Variants in CELF2 observed in about 807,000 individuals in gnomAD.
The protein encoded by CELF2 is CUGBP Elav-like family member 2, also known as CUG triplet repeat RNA-binding protein 2.
A neutral mutation model predicts 62.6 loss-of-function variants in CELF2; 8 were observed. The observed-to-expected ratio is 0.13, with a 90% CI of 0.07 to 0.23. CELF2 has a LOEUF of 0.23. Ranked by LOEUF, CELF2 falls within the 10% of genes least tolerant of loss-of-function variation. The pLI, the probability that CELF2 is intolerant of heterozygous loss-of-function variation, is 1.00. For missense variants in CELF2, 333 were observed against 671.0 expected, an observed-to-expected ratio of 0.50 and a Z score of 5.56; for synonymous variants, 258 against 250.0, an observed-to-expected ratio of 1.03 and a Z score of -0.30.
intron 2 of CELF2, among the ~76,000 whole-genome samples, chr10:11,212,924 G>C (rs1005068479): frequency 2.0e-5 from 3 of 152,140 alleles, no homozygotes; most frequent in Non-Finnish European, 2.9e-5. Context: ...GGCATGAATC[G>C]TCCCATGCAG....
chr10:10,846,958 C>T (rs969416007), intron 1 of CELF2, among the ~76,000 whole-genome samples: 12 of 152,030 alleles, frequency 7.9e-5, no homozygotes, highest in Admixed American at 4.6e-4. Flanking sequence ...TCATACCTGC[C>T]GGCCTAAGGT....
intron 1 of CELF2, among the ~76,000 whole-genome samples, chr10:11,131,209 C>T (rs1453267955): frequency 6.6e-6 from 1 of 152,194 alleles, no homozygotes; most frequent in African/African-American, 2.4e-5. Flanking sequence ...AAGAAGAAGG[C>T]AGTTTCCAAG....
intron 1 of CELF2, among the ~76,000 whole-genome samples, chr10:11,097,636 T>C (rs1296284200): frequency 6.6e-6 from 1 of 152,238 alleles, no homozygotes; most frequent in Non-Finnish European, 1.5e-5. Context: ...CTTATACTTC[T>C]GAAAACCAAG....
chr10:11,174,856 A>T (rs1482091221), intron 2 of CELF2, among the ~76,000 whole-genome samples: 1 of 152,202 alleles, frequency 6.6e-6, no homozygotes, highest in Admixed American at 6.5e-5. Flanking sequence ...TGGGAACTGC[A>T]TCCTAGTCAA....
chr10:11,198,322 C>A (rs1233417388), intron 2 of CELF2, among the ~76,000 whole-genome samples: 1 of 152,184 alleles, frequency 6.6e-6, no homozygotes, highest in Non-Finnish European at 1.5e-5. Context: ...AAGCCCTTTC[C>A]CAAATTGGGT....
chr10:10,841,206 A>G lies in CELF2; in HGVS notation c.53+42389A>G, dbSNP rs1012353367. Reference sequence around the variant, plus strand: ...TTTATAATCGTTTGGATATATATCCAGTAATGGGATTGCTGGGTCAAATGG... The same window carrying G: ...TTTATAATCGTTTGGATATATATCCGGTAATGGGATTGCTGGGTCAAATGG... On this transcript the variant is annotated intron_variant, in intron 1 of 13. Coordinates refer to the CELF2 transcript ENST00000636488. Among the ~76,000 whole-genome samples, 5 of 152,310 alleles carry G rather than the reference A, an allele frequency of 3.3e-5. No homozygotes were observed. The South Asian group carries it at 1.0e-3, about 32-fold the overall frequency.
chr10:11,314,417 T>G lies in CELF2; in HGVS notation c.1096+159T>G. The G allele has an allele frequency of 1.1e-6, 1 of 910,672 alleles. No homozygotes were observed. Among genetic ancestry groups the G allele is most frequent in the Non-Finnish European group, 1.7e-6 (1 of 571,794 alleles). The allele number at this position is 910,672 out of a possible 1,614,324, so 56.4% of individuals were successfully genotyped here. The stretch of plus-strand genomic sequence containing the variant: ...CATGCTTTGATAGGCAAAAGCTGTC[T>G]ACACTCGTTTTGCCTCAGAAAATCC... On this transcript the variant is annotated intron_variant, in intron 10 of 12. Transcript: ENST00000633077. The surrounding 1 kb of genome is among the most constrained non-coding windows in gnomAD (Gnocchi z 5.3).
chr10:11,125,353 T>C (rs758453298), intron 1 of CELF2, among the ~76,000 whole-genome samples: 4 of 152,012 alleles, frequency 2.6e-5, no homozygotes, highest in Non-Finnish European at 5.9e-5. Flanking sequence ...TTTTTCAGTG[T>C]CCTTTGTTAT....
At chr10:10,832,273 A>ATAAAAAT (rs35784441) in intron 1 of CELF2, among the ~76,000 whole-genome samples, 8,757 of 151,034 alleles carry the variant, frequency 0.058, 427 homozygotes, top group East Asian at 0.22. Flanking sequence ...ATCTAAAAAA[A>ATAAAAAT]AAAAATAAAA....
chr10:11,095,913 T>C (rs1251745819), intron 1 of CELF2, among the ~76,000 whole-genome samples: 1 of 150,288 alleles, frequency 6.7e-6, no homozygotes, highest in Non-Finnish European at 1.5e-5. Context: ...AAACTATATT[T>C]AAAAAAAAAA....
At chr10:10,636,616 T>C in the CELF2 span, among the ~76,000 whole-genome samples, 13 of 152,306 alleles carry the variant, frequency 8.5e-5, no homozygotes, top group Non-Finnish European at 1.5e-4. Context: ...AAACATAGAA[T>C]TCGTATCCAA....
rs995057089 is a variant in CELF2 at position 11,267,022 on chromosome 10, C to T, written c.618+345C>T. ...AAAGAATCAAATACATTCCCCACAC[C>T]GGGGTCGGTGCGGATGAAACAGTAA... On this transcript the variant is annotated intron_variant, in intron 6 of 12. Coordinates refer to ENST00000633077, the MANE Select transcript of CELF2 (RefSeq NM_001326342.2). This position sits in a 1 kb window ranked among gnomAD's most constrained non-coding sequence, Gnocchi z 4.4. Among the ~76,000 whole-genome samples the T allele has an allele frequency of 1.3e-5, 2 of 152,168 alleles. No individual in the cohort carries two copies. The highest frequency in any genetic ancestry group is 2.4e-5 in the African/African-American group (1 of 41,450).
the CELF2 span, among the ~76,000 whole-genome samples, chr10:10,485,994 T>C: frequency 6.6e-6 from 1 of 152,190 alleles, no homozygotes; most frequent in Non-Finnish European, 1.5e-5. Context: ...AAAGACCATT[T>C]TCCAATGAGT....
At chr10:11,263,525 A>G (rs188125539) in intron 5 of CELF2, among the ~76,000 whole-genome samples, 42 of 152,312 alleles carry the variant, frequency 2.8e-4, no homozygotes, top group African/African-American at 9.6e-4. Flanking sequence ...ACAGTCTAGA[A>G]TAGTTAAGGG....
At chr10:10,682,006 T>A in the CELF2 span, among the ~76,000 whole-genome samples, 1 of 152,200 alleles carries the variant, frequency 6.6e-6, no homozygotes, top group Admixed American at 6.5e-5. Context: ...ATTTCCAGAA[T>A]AATCCTCTGA....
At chr10:11,200,761 A>C (rs2059036944) in intron 2 of CELF2, among the ~76,000 whole-genome samples, 1 of 152,252 alleles carries the variant, frequency 6.6e-6, no homozygotes, top group African/African-American at 2.4e-5. Context: ...CTACTGGGTC[A>C]GCGTTTTGAA....
intron 1 of CELF2, chr10:11,102,172 G>A (rs1335773756): frequency 1.3e-5 from 2 of 152,156 alleles, no homozygotes; most frequent in African/African-American, 2.4e-5. Context: ...GTAATCCAGT[G>A]AATCCATTAC....
At chr10:11,080,334 T>C (rs1374560758) in intron 1 of CELF2, among the ~76,000 whole-genome samples, 3 of 70,246 alleles carry the variant, frequency 4.3e-5, no homozygotes, top group African/African-American at 7.5e-5. Flanking sequence ...TAATTTCTTA[T>C]AAGCACCTAG....
chr10:10,658,233 C>A, the CELF2 span, among the ~76,000 whole-genome samples: 24,663 of 152,054 alleles, frequency 0.16, 2,132 homozygotes, highest in South Asian at 0.24. Flanking sequence ...CATTGTGGTC[C>A]CTTCTTGCCC....
Sources: allele counts gnomAD v4.1 joint callset (sites outside exome capture counted in the v4.1 genomes callset), GRCh38; gene constraint gnomAD v4.1.1; non-coding constraint Gnocchi (gnomAD v3.1); transcripts MANE v1.5; gene names NCBI Gene and HGNC (gene_info 2026-07-23, HGNC 2026-07-21).